Variants in FYB2 observed in about 807,000 individuals in gnomAD.
FYB2 encodes the protein FYN binding protein 2.
FYB2 carries 103 observed loss-of-function variants against 94.1 expected under a neutral mutation model. That is an observed-to-expected ratio of 1.09 (90% CI 0.93 to 1.29). FYB2 has a LOEUF of 1.29. Ranked by LOEUF, FYB2 falls within the 50% of genes most tolerant of loss-of-function variation. The pLI is 0.00. For missense variants in FYB2, 896 were observed against 841.5 expected (o/e 1.06, Z -0.80); for synonymous variants, 293 against 287.9 (o/e 1.02, Z -0.18).
At chr1:56,723,818 C>T in intron 16 of FYB2, 137 bp from the exon 17 acceptor site, 1 of 581,798 alleles carries the variant, frequency 1.7e-6, no homozygotes, top group Non-Finnish European at 3.0e-6. Context: ...AAATAATACA[C>T]AAAGTCACGC....
In FYB2 at chr1:56,742,140, C is replaced by T. The variant is rs748475953; in HGVS notation, c.1604+21G>A. The T allele has an allele frequency of 3.8e-6, 6 of 1,593,728 alleles. No individual in the cohort carries two copies. In the East Asian group the frequency reaches 9.0e-5, roughly 24 times the overall value. On this transcript the variant is annotated intron_variant, in intron 12 of 19. Transcript: ENST00000343433. ...AACAGGAAGTCATTAGCCTACAAAG[C>T]CAAGAAAGAGAGAAACTCACTCTAT...
At chr1:56,785,690 G>C (rs547631582) in intron 4 of FYB2, among the ~76,000 whole-genome samples, 16 of 152,222 alleles carry the variant, frequency 1.1e-4, no homozygotes, top group African/African-American at 3.9e-4. Flanking sequence ...TACACTCTAA[G>C]TGTACTTATT....
chr1:56,733,203 C>G (rs896784872), intron 15 of FYB2, among the ~76,000 whole-genome samples: 1 of 151,720 alleles, frequency 6.6e-6, no homozygotes, highest in Non-Finnish European at 1.5e-5. Context: ...TTAAAATGAC[C>G]AATAGTTTAT....
intron 1 of FYB2, among the ~76,000 whole-genome samples, chr1:56,801,067 C>A (rs911293618): frequency 1.3e-5 from 2 of 152,120 alleles, no homozygotes; most frequent in Admixed American, 6.5e-5. Flanking sequence ...CCAATTGAAT[C>A]CCATTTCTCA....
intron 1 of FYB2, among the ~76,000 whole-genome samples, chr1:56,818,478 A>T (rs892577129): frequency 6.6e-6 from 1 of 150,750 alleles, no homozygotes; most frequent in Non-Finnish European, 1.5e-5. Flanking sequence ...ACACACACAC[A>T]CACACACACA....
rs191497521 is a variant in FYB2, at chr1:56,728,642, T to A, written c.1794-2059A>T. On this transcript the variant is annotated intron_variant, in intron 15 of 19. Transcript: ENST00000343433. ...TAGCCAGGCAAAAAACATGGCAAAGTGTGTTACAGGTAGAACTATTCTTTT... is the reference window on the plus strand; with the variant it reads ...TAGCCAGGCAAAAAACATGGCAAAGAGTGTTACAGGTAGAACTATTCTTTT... 8.5e-5 allele frequency among the ~76,000 whole-genome samples: 13 copies of A among 152,244 alleles called. No individual in the cohort carries two copies. The East Asian group carries it at 1.5e-3, about 18-fold the overall frequency.
At chr1:56,784,613 A>C (rs983576406) in intron 4 of FYB2, among the ~76,000 whole-genome samples, 1 of 152,098 alleles carries the variant, frequency 6.6e-6, no homozygotes, top group African/African-American at 2.4e-5. Context: ...CTCATCTCTT[A>C]ATTTTATACA....
At chr1:56,773,198 G>A (rs1645800386) in intron 4 of FYB2, among the ~76,000 whole-genome samples, 1 of 152,096 alleles carries the variant, frequency 6.6e-6, no homozygotes, top group South Asian at 2.1e-4. Context: ...GCATGGACAA[G>A]TGACCTCTCA....
chr1:56,719,530 C>T lies in FYB2; in HGVS notation c.*141G>A. ...GTTGAGGATTTGTTTTTATTTTTCTCTTTTAAGTTCAGAACGAAAGTTTCC... is the reference window on the plus strand; with the variant it reads ...GTTGAGGATTTGTTTTTATTTTTCTTTTTTAAGTTCAGAACGAAAGTTTCC... On this transcript the variant is annotated 3_prime_UTR_variant, in exon 20 of 20. Coordinates refer to ENST00000343433, the MANE Select transcript of FYB2 (RefSeq NM_001004303.5). 1.5e-6 allele frequency: 1 copy of T among 687,034 alleles called. No individual in the cohort carries two copies. The highest frequency in any genetic ancestry group is 2.9e-5 in the East Asian group (1 of 35,078). The allele number at this position is 687,034 out of a possible 1,614,324, so 42.6% of individuals were successfully genotyped here.
intron 16 of FYB2, among the ~76,000 whole-genome samples, chr1:56,726,240 A>G (rs563272598): frequency 6.6e-6 from 1 of 152,082 alleles, no homozygotes; most frequent in Non-Finnish European, 1.5e-5. Flanking sequence ...AAAATGGCTT[A>G]CTTGAAATCT....
intron 1 of FYB2, among the ~76,000 whole-genome samples, chr1:56,796,891 G>C (rs1646413029): frequency 6.6e-6 from 1 of 152,126 alleles, no homozygotes; most frequent in Non-Finnish European, 1.5e-5. Context: ...CAAAATATTT[G>C]TTGGTTGCCT....
intron 2 of FYB2, 81 bp from the exon 3 acceptor site, chr1:56,789,215 C>CT (rs1646205069): frequency 2.8e-6 from 4 of 1,444,700 alleles, no homozygotes; most frequent in Non-Finnish European, 3.7e-6. Flanking sequence ...TCCTTGCCTC[C>CT]ATCTAAGTCC....
At chr1:56,747,440 T>C (rs912921127) in intron 9 of FYB2, among the ~76,000 whole-genome samples, 9 of 151,950 alleles carry the variant, frequency 5.9e-5, no homozygotes, top group Non-Finnish European at 1.2e-4. Context: ...CAGTATGTGA[T>C]GTTCCCTTCC....
In FYB2 at chr1:56,819,323, G is replaced by A; in HGVS notation, c.-33C>T. 1 of 1,613,984 alleles carries A rather than the reference G, an allele frequency of 6.2e-7. No homozygotes were observed. The highest frequency in any genetic ancestry group is 8.5e-7 in the Non-Finnish European group (1 of 1,179,996). On this transcript the variant is annotated 5_prime_UTR_variant, in exon 1 of 20. Coordinates refer to ENST00000343433, the MANE Select transcript of FYB2 (RefSeq NM_001004303.5). The stretch of plus-strand genomic sequence containing the variant: ...CTCCAAGGCAGAGTCAGGGAAACAA[G>A]CCCAGCCTCTCAGAGCTGGGTCCTG...
In FYB2 at chr1:56,751,148, C is replaced by A; in HGVS notation, c.1283G>T (p.Gly428Val). ...CTTTCCAGCCAACATGTTCCTTCTA[C>A]CTGTGTGGACGTTGGTCATCTGAAT... is the stretch of plus-strand genomic sequence containing the variant. ...EKIQMTNVHT[G>V]RRNMLAGKQE... is the part of the protein sequence containing the mutation. Residue 428 changes from glycine (G) to valine (V), a missense_variant, in exon 9 of 20, where the codon GGT (glycine) becomes GTT (valine). Gly to Val is a moderately radical substitution (Grantham distance 109). Transcript: ENST00000343433. 4 of 1,612,732 alleles carry A rather than the reference C, an allele frequency of 2.5e-6. No individual in the cohort carries two copies. Among genetic ancestry groups the A allele is most frequent in the Non-Finnish European group, 3.4e-6 (4 of 1,179,198 alleles).
upstream of FYB2, among the ~76,000 whole-genome samples, chr1:56,821,025 A>C (rs553031411): frequency 6.6e-6 from 1 of 152,244 alleles, no homozygotes; most frequent in South Asian, 2.1e-4. Flanking sequence ...TGGGGGGCCT[A>C]TTTCTGAAGC....
intron 14 of FYB2, among the ~76,000 whole-genome samples, chr1:56,737,979 G>T (rs1245238717): frequency 1.3e-5 from 2 of 151,950 alleles, no homozygotes; most frequent in African/African-American, 4.8e-5. Context: ...CTTTTGAATT[G>T]TCAAGTTCGA....
rs537596576 is a variant in FYB2 at position 56,761,053 on chromosome 1, G to A, written c.1064-2303C>T. Among the ~76,000 whole-genome samples the A allele has an allele frequency of 3.3e-5, 5 of 152,212 alleles. No homozygotes were observed. The South Asian group carries it at 1.0e-3, about 32-fold the overall frequency. On this transcript the variant is annotated intron_variant, in intron 5 of 19. Transcript: ENST00000343433. Reference sequence around the variant, plus strand: ...AGTTTTATTGTGCAGGCAGAGAAAGGACAAATATCTGAAGATGGTCCTCAG... The same window carrying A: ...AGTTTTATTGTGCAGGCAGAGAAAGAACAAATATCTGAAGATGGTCCTCAG...
Position 56,719,029 on chromosome 1 carries a change from T to C in FYB2, c.*642A>G, listed in dbSNP as rs1243896256. 6.6e-6 allele frequency: 1 copy of C among 152,552 alleles called. No individual in the cohort carries two copies. Among genetic ancestry groups the C allele is most frequent in the African/African-American group, 2.4e-5 (1 of 41,472 alleles). 9.4% of individuals were successfully genotyped at this position (152,552 alleles called of 1,614,324 possible). A position where few individuals can be genotyped will look rare whatever the true frequency, so the allele number is the denominator to read the frequency against. ...ACAGCATATATATTATTTTGTTAAA[T>C]ACATTTGGGCACTTCTTAAAATGAT... On this transcript the variant is annotated 3_prime_UTR_variant, in exon 20 of 20. Transcript: ENST00000343433.
Sources: allele counts gnomAD v4.1 joint callset (sites outside exome capture counted in the v4.1 genomes callset), GRCh38; gene constraint gnomAD v4.1.1; transcripts MANE v1.5; gene names NCBI Gene and HGNC (gene_info 2026-07-23, HGNC 2026-07-21).